Variants in RLN2 observed in about 807,000 individuals in gnomAD.
RLN2 encodes relaxin 2.
Under a neutral mutation model 7.3 loss-of-function variants are expected in RLN2, and 10 were observed. That is an observed-to-expected ratio of 1.36 (90% CI 0.84 to 2.31). The LOEUF is 2.31. Among genes scored for constraint, RLN2 ranks in the 30% most tolerant of loss-of-function variants. The pLI is 0.00. For missense variants in RLN2, 298 were observed against 217.6 expected (o/e 1.37, Z -2.32); for synonymous variants, 103 against 82.3 (o/e 1.25, Z -1.36).
chr9:5,300,466 G>C (rs781109425), intron 1 of RLN2, 22 bp from the exon 2 acceptor site: 4 of 1,523,300 alleles, frequency 2.6e-6, no homozygotes, highest in Middle Eastern at 1.7e-4. Context: ...AAAAAAAAAG[G>C]TGTATGTGAG....
At chr9:5,306,662 T>C (rs1816257438), upstream of RLN2, among the ~76,000 whole-genome samples, 1 of 152,048 alleles carries the variant, frequency 6.6e-6, no homozygotes. Context: ...AATAAATATG[T>C]CCATGCATAC....
At chr9:5,317,237 T>G in the RLN2 span, among the ~76,000 whole-genome samples, 1 of 151,922 alleles carries the variant, frequency 6.6e-6, no homozygotes, top group Non-Finnish European at 1.5e-5. Context: ...TGAATGTAAA[T>G]GGATTAAATT....
chr9:5,311,250 C>A, the RLN2 span, among the ~76,000 whole-genome samples: 133 of 151,836 alleles, frequency 8.8e-4, 3 homozygotes, highest in African/African-American at 3.0e-3. Context: ...ATTTATTTCA[C>A]ATGTACAAGA....
chr9:5,325,920 T>C, the RLN2 span, among the ~76,000 whole-genome samples: 2 of 152,072 alleles, frequency 1.3e-5, no homozygotes, highest in Non-Finnish European at 2.9e-5. Flanking sequence ...AGCTTCTCTG[T>C]TGTAAAATCC....
chr9:5,330,779 A>C, the RLN2 span, among the ~76,000 whole-genome samples: 1 of 151,536 alleles, frequency 6.6e-6, no homozygotes, highest in Non-Finnish European at 1.5e-5. Flanking sequence ...AAAAAAAAAA[A>C]AAACCTTCAA....
chr9:5,336,714 G>A, the RLN2 span, among the ~76,000 whole-genome samples: 2 of 151,954 alleles, frequency 1.3e-5, no homozygotes, highest in African/African-American at 4.8e-5. Flanking sequence ...CTCAGATCAG[G>A]TCTTGCTGCT....
rs1270000067 is a variant in RLN2 at position 5,300,378 on chromosome 9, T to C, written c.278A>G (p.Asn93Ser). 2 of 1,613,492 alleles carry C rather than the reference T, an allele frequency of 1.2e-6. No individual in the cohort carries two copies. Among genetic ancestry groups the C allele is most frequent in the African/African-American group, 1.3e-5 (1 of 74,866 alleles). ...TINMMSEFVA[N>S]LPQELKLTLS... ...GGTTAACTTCAGCTCCTGTGGCAAA[T>C]TAGCAACAAATTCTGACATCATATT... is the stretch of plus-strand genomic sequence containing the variant. The change falls in exon 2 of 2, where the codon AAT (asparagine) becomes AGT (serine). Residue 93 changes from asparagine (N) to serine (S), a missense_variant. Physicochemically the swap from Asn to Ser is conservative, Grantham distance 46 (BLOSUM62 1). Coordinates refer to ENST00000381627, the MANE Select transcript of RLN2 (RefSeq NM_134441.3).
chr9:5,331,271 C>G, the RLN2 span, among the ~76,000 whole-genome samples: 1 of 151,932 alleles, frequency 6.6e-6, no homozygotes, highest in Non-Finnish European at 1.5e-5. Context: ...ATCCTGAAAG[C>G]CTGGTAGAGA....
chr9:5,313,107 T>G, the RLN2 span, among the ~76,000 whole-genome samples: 30 of 151,996 alleles, frequency 2.0e-4, no homozygotes, highest in African/African-American at 6.0e-4. Context: ...TGACCCAAAG[T>G]GTAGTTCAAG....
At chr9:5,320,989 G>T in the RLN2 span, among the ~76,000 whole-genome samples, 1 of 152,184 alleles carries the variant, frequency 6.6e-6, no homozygotes, top group Middle Eastern at 3.4e-3. Flanking sequence ...GTGAGTTGAA[G>T]AATCACAACA....
At chr9:5,332,823 G>C in the RLN2 span, among the ~76,000 whole-genome samples, 1 of 151,780 alleles carries the variant, frequency 6.6e-6, no homozygotes, top group Non-Finnish European at 1.5e-5. Context: ...CACCATGTTA[G>C]CCAGGATGGT....
chr9:5,307,072 G>A (rs555774317), upstream of RLN2, among the ~76,000 whole-genome samples: 1 of 152,000 alleles, frequency 6.6e-6, no homozygotes, highest in Non-Finnish European at 1.5e-5. Context: ...AGCATAAAGA[G>A]GAAGGTCTAT....
At position 5,300,077 on chromosome 9, in the gene RLN2, A is replaced by C; in HGVS notation, c.*21T>G. On this transcript the variant is annotated 3_prime_UTR_variant, in exon 2 of 2. Coordinates refer to ENST00000381627, the MANE Select transcript of RLN2 (RefSeq NM_134441.3). ...AGAATATGTGTGAATATTATACGAG[A>C]TGTGCACAATTAGCTTCATCTCAGC... 1 of 1,417,154 alleles carries C rather than the reference A, an allele frequency of 7.1e-7. No individual in the cohort carries two copies. Among genetic ancestry groups the C allele is most frequent in the Non-Finnish European group, 9.8e-7 (1 of 1,021,018 alleles). 87.8% of individuals were successfully genotyped at this position (1,417,154 alleles called of 1,614,324 possible).
At chr9:5,330,345 A>G in the RLN2 span, among the ~76,000 whole-genome samples, 599 of 152,124 alleles carry the variant, frequency 3.9e-3, 9 homozygotes, top group African/African-American at 0.014. Flanking sequence ...TCACAATTAA[A>G]AGAATTAGAG....
chr9:5,334,410 G>T, the RLN2 span, among the ~76,000 whole-genome samples: 1 of 151,966 alleles, frequency 6.6e-6, no homozygotes, highest in Admixed American at 6.6e-5. Flanking sequence ...TGGGTAAAAT[G>T]CATGTGTATA....
At chr9:5,306,096 G>A (rs896664629), upstream of RLN2, among the ~76,000 whole-genome samples, 1 of 125,836 alleles carries the variant, frequency 7.9e-6, no homozygotes, top group Non-Finnish European at 1.6e-5. Flanking sequence ...GGATTTCTTT[G>A]TTTTTGTTTT....
the RLN2 span, among the ~76,000 whole-genome samples, chr9:5,316,756 A>T: frequency 6.6e-6 from 1 of 151,926 alleles, no homozygotes; most frequent in Admixed American, 6.6e-5. Context: ...GTAAACATAC[A>T]TGTGCATGTG....
chr9:5,334,553 C>T, the RLN2 span, among the ~76,000 whole-genome samples: 1 of 151,840 alleles, frequency 6.6e-6, no homozygotes, highest in African/African-American at 2.4e-5. Context: ...AAGGTATGTT[C>T]CCTCATTATA....
chr9:5,306,829 A>G (rs185579647), upstream of RLN2, among the ~76,000 whole-genome samples: 3 of 152,172 alleles, frequency 2.0e-5, 1 homozygote, highest in Non-Finnish European at 4.4e-5. Flanking sequence ...AATGTAGGAC[A>G]GCAGGAACAT....
Sources: gnomAD v4.1 joint callset for allele counts (sites outside exome capture counted in the v4.1 genomes callset) on GRCh38, gnomAD v4.1.1 for gene constraint, MANE v1.5 for transcripts, NCBI Gene and HGNC (gene_info 2026-07-23, HGNC 2026-07-21) for gene names.